PDIA3: variants seen among roughly 807,000 people sequenced by gnomAD.
The protein encoded by PDIA3 is protein disulfide isomerase family A member 3.
Under a neutral mutation model 56.9 loss-of-function variants are expected in PDIA3, and 16 were observed. That is an observed-to-expected ratio of 0.28 (90% CI 0.19 to 0.43). The LOEUF (loss-of-function observed/expected upper bound fraction) is 0.43, where lower values mean the gene tolerates loss of function less well. Ranked by LOEUF, PDIA3 falls within the 20% of genes least tolerant of loss-of-function variation. PDIA3 has a pLI of 1.00. For missense variants in PDIA3, 485 were observed against 621.3 expected (o/e 0.78, Z 2.33); for synonymous variants, 192 against 216.5 (o/e 0.89, Z 0.99).
At chr15:43,770,746 G>A (rs368123364) in intron 12 of PDIA3, among the ~76,000 whole-genome samples, 166 bp downstream of exon 12, 1 of 152,152 alleles carries the variant, frequency 6.6e-6, no homozygotes. Flanking sequence ...TCGGCTCACC[G>A]TTCAAGCGAT....
intron 1 of PDIA3, chr15:43,752,832 C>T: frequency 2.1e-6 from 1 of 471,106 alleles, no homozygotes; most frequent in South Asian, 1.5e-5. Context: ...AACGTGATCC[C>T]TCTGCAACCC....
At chr15:43,751,527 G>A in intron 1 of PDIA3, 1 of 1,128,172 alleles carries the variant, frequency 8.9e-7, no homozygotes, top group Non-Finnish European at 1.2e-6. Context: ...AGAAGTAGTG[G>A]TTAATCTTGA....
intron 3 of PDIA3, among the ~76,000 whole-genome samples, chr15:43,760,021 G>A (rs2086804078): frequency 6.6e-6 from 1 of 151,920 alleles, no homozygotes; most frequent in Non-Finnish European, 1.5e-5. Flanking sequence ...CCCAGGAGGC[G>A]GATGTTGCAG....
At position 43,766,856 on chromosome 15, in the gene PDIA3, T is replaced by C. The variant is rs766955655; in HGVS notation, c.974T>C (p.Val325Ala). ...GLESTAGEIP[V>A]VAIRTAKGEK... ...GAGAGCACTGCTGGAGAGATTCCTGTTGTTGCTATCAGAACTGCTAAAGGA... is the reference window on the plus strand; with the variant it reads ...GAGAGCACTGCTGGAGAGATTCCTGCTGTTGCTATCAGAACTGCTAAAGGA... The change falls in exon 8 of 13, where the codon GTT becomes GCT. Residue 325 changes from valine to alanine, a missense_variant. Physicochemically the swap from Val to Ala is moderately conservative, Grantham distance 64 (BLOSUM62 0). Transcript: ENST00000300289. 8 of 1,614,086 alleles carry C rather than the reference T, an allele frequency of 5.0e-6. No individual in the cohort carries two copies. The East Asian group carries it at 1.6e-4, about 31-fold the overall frequency.
chr15:43,771,280 G>A lies in PDIA3; in HGVS notation c.*62G>A. The stretch of plus-strand genomic sequence containing the variant: ...CCATCAGAGATGGGAAAACCATTGG[G>A]GAGGACTAGGACCCATATGGGAATT... On this transcript the variant is annotated 3_prime_UTR_variant, in exon 13 of 13. Coordinates refer to ENST00000300289, the MANE Select transcript of PDIA3 (RefSeq NM_005313.5). 1 of 1,019,148 alleles carries A rather than the reference G, an allele frequency of 9.8e-7. No individual in the cohort carries two copies. The highest frequency in any genetic ancestry group is 1.3e-5 in the South Asian group (1 of 75,216). The allele number at this position is 1,019,148 out of a possible 1,614,324, so 63.1% of individuals were successfully genotyped here.
intron 1 of PDIA3, chr15:43,751,827 C>T (rs2086746345): frequency 1.3e-5 from 15 of 1,119,386 alleles, no homozygotes; most frequent in Admixed American, 2.3e-5. Context: ...AGAGTTGACA[C>T]CTACTGGCTT....
intron 3 of PDIA3, among the ~76,000 whole-genome samples, chr15:43,759,439 TG>T (rs1468292645): frequency 4.6e-5 from 7 of 152,248 alleles, no homozygotes; most frequent in East Asian, 3.9e-4. Flanking sequence ...TAACAAAACT[TG>T]TTTTTTTTTT....
intron 1 of PDIA3, chr15:43,751,715 A>G: frequency 7.7e-7 from 1 of 1,302,094 alleles, no homozygotes; most frequent in Non-Finnish European, 1.0e-6. Flanking sequence ...TGCAGCTTAC[A>G]CACACACCTG....
intron 8 of PDIA3, among the ~76,000 whole-genome samples, chr15:43,767,437 A>G (rs1396412219): frequency 6.6e-6 from 1 of 152,146 alleles, no homozygotes; most frequent in East Asian, 1.9e-4. Flanking sequence ...AACTAATGAA[A>G]GGATGGCAGG....
intron 11 of PDIA3, 70 bp downstream of exon 11, chr15:43,770,399 A>G (rs970504914): frequency 5.6e-6 from 8 of 1,418,354 alleles, no homozygotes; most frequent in Non-Finnish European, 8.0e-6. Context: ...CCACCAGGAA[A>G]TCATTACTAG....
chr15:43,752,796 G>C, intron 1 of PDIA3: 2 of 470,822 alleles, frequency 4.2e-6, no homozygotes, highest in Non-Finnish European at 8.8e-6. Flanking sequence ...TGCTGTCTAC[G>C]GGAAGGTTAC....
chr15:43,748,791 T>G (rs2086724210), intron 1 of PDIA3, among the ~76,000 whole-genome samples: 1 of 150,392 alleles, frequency 6.6e-6, no homozygotes, highest in Non-Finnish European at 1.5e-5. Context: ...TTTTTTGAGA[T>G]GGAGTCTCGC....
At chr15:43,763,442 A>AG (rs2086829894) in intron 5 of PDIA3, among the ~76,000 whole-genome samples, 1 of 152,266 alleles carries the variant, frequency 6.6e-6, no homozygotes, top group African/African-American at 2.4e-5. Flanking sequence ...TAGTAGAGAC[A>AG]GGGTTTCACC....
intron 9 of PDIA3, among the ~76,000 whole-genome samples, chr15:43,769,050 C>T (rs1266899459): frequency 6.7e-6 from 1 of 150,142 alleles, no homozygotes; most frequent in East Asian, 1.9e-4. Context: ...ATTGGCAGGG[C>T]TCATAATGCT....
intron 2 of PDIA3, among the ~76,000 whole-genome samples, chr15:43,756,370 C>T (rs949474700): frequency 2.0e-5 from 3 of 152,154 alleles, no homozygotes; most frequent in Non-Finnish European, 2.9e-5. Context: ...AAGATGAAGA[C>T]CACCGCTTTA....
intron 1 of PDIA3, among the ~76,000 whole-genome samples, chr15:43,748,147 T>C (rs2086718914): frequency 6.6e-6 from 1 of 152,134 alleles, no homozygotes; most frequent in South Asian, 2.1e-4. Context: ...GTAGGAATTG[T>C]TGGAGAATAG....
At chr15:43,766,993 C>T (rs2086851200) in intron 8 of PDIA3, 83 bp downstream of exon 8, 1 of 1,230,570 alleles carries the variant, frequency 8.1e-7, no homozygotes, top group African/African-American at 1.5e-5. Context: ...GAACAATAAC[C>T]CTGGAATGTG....
Position 43,773,185 on chromosome 15 carries a change from G to C in PDIA3, c.*1967G>C, listed in dbSNP as rs1183192677. 16 of 1,613,846 alleles carry C rather than the reference G, an allele frequency of 9.9e-6. No homozygotes were observed. The highest frequency in any genetic ancestry group is 1.0e-5 in the Non-Finnish European group (12 of 1,179,988). Reference sequence around the variant, plus strand: ...TAATGTGGGACAATTTCTGGTGAAGGTACTCACAGCGACGCTTTTCTTCTC... The same window carrying C: ...TAATGTGGGACAATTTCTGGTGAAGCTACTCACAGCGACGCTTTTCTTCTC... On this transcript the variant is annotated 3_prime_UTR_variant, in exon 13 of 13. Coordinates refer to ENST00000300289, the MANE Select transcript of PDIA3 (RefSeq NM_005313.5).
intron 3 of PDIA3, among the ~76,000 whole-genome samples, chr15:43,758,838 G>A (rs2086796369): frequency 1.3e-5 from 2 of 151,772 alleles, no homozygotes; most frequent in South Asian, 2.1e-4. Context: ...TTAGCTGGGC[G>A]TGGTGGTGCA....
Sources: gnomAD v4.1 joint callset for allele counts (sites outside exome capture counted in the v4.1 genomes callset) on GRCh38, gnomAD v4.1.1 for gene constraint, MANE v1.5 for transcripts, NCBI Gene and HGNC (gene_info 2026-07-23, HGNC 2026-07-21) for gene names.